ADAM12: variants seen among roughly 807,000 people sequenced by gnomAD.
ADAM12 encodes the protein disintegrin and metalloproteinase domain-containing protein 12.
Under a neutral mutation model 106.4 loss-of-function variants are expected in ADAM12, and 70 were observed. That is an observed-to-expected ratio of 0.66 (90% CI 0.54 to 0.80). ADAM12 has a LOEUF of 0.80. ADAM12 is among the 30% of genes least tolerant of loss of function. The pLI is 0.00. For missense variants in ADAM12, 1,010 were observed against 1,171.9 expected, an observed-to-expected ratio of 0.86 and a Z score of 2.02; for synonymous variants, 420 against 433.5, an observed-to-expected ratio of 0.97 and a Z score of 0.39.
chr10:126,028,886 ATAGC>A (rs1398004501), intron 21 of ADAM12, among the ~76,000 whole-genome samples: 6 of 152,322 alleles, frequency 3.9e-5, no homozygotes, highest in South Asian at 2.1e-4. Flanking sequence ...CAAAGGTCTA[ATAGC>A]TAGCATCTAT....
At chr10:126,265,293 T>C (rs907997381) in intron 3 of ADAM12, among the ~76,000 whole-genome samples, 5 of 152,144 alleles carry the variant, frequency 3.3e-5, no homozygotes, top group Non-Finnish European at 7.3e-5. Flanking sequence ...AAACCAATAA[T>C]TGATGAGGGA....
chr10:126,192,855 G>T (rs1320178200), intron 3 of ADAM12, among the ~76,000 whole-genome samples: 1 of 152,212 alleles, frequency 6.6e-6, no homozygotes, highest in Non-Finnish European at 1.5e-5. Flanking sequence ...AGAGCTGCGG[G>T]TTTCTACCAT....
intron 11 of ADAM12, among the ~76,000 whole-genome samples, chr10:126,079,353 G>T: frequency 6.6e-6 from 1 of 150,420 alleles, no homozygotes; most frequent in African/African-American, 2.5e-5. Flanking sequence ...CCCAGCCCCT[G>T]CCAACCACGA....
At chr10:126,343,274 C>T (rs564018338) in intron 1 of ADAM12, among the ~76,000 whole-genome samples, 15 of 150,442 alleles carry the variant, frequency 1.0e-4, no homozygotes, top group African/African-American at 2.7e-4. Context: ...TGAGAACATG[C>T]GGTGTTTGGT....
chr10:126,194,203 G>A (rs1240785448), intron 3 of ADAM12, among the ~76,000 whole-genome samples: 2 of 139,378 alleles, frequency 1.4e-5, no homozygotes, highest in East Asian at 2.3e-4. Flanking sequence ...GAGTGGCTCA[G>A]TTTCAAACAA....
intron 3 of ADAM12, among the ~76,000 whole-genome samples, chr10:126,174,954 C>T (rs570609023): frequency 5.9e-5 from 9 of 152,170 alleles, no homozygotes; most frequent in African/African-American, 1.7e-4. Flanking sequence ...GACGGGGTTT[C>T]ACTGTGTTAG....
chr10:126,106,434 T>C (rs561737081), intron 8 of ADAM12, among the ~76,000 whole-genome samples: 2 of 151,630 alleles, frequency 1.3e-5, no homozygotes, highest in Admixed American at 1.3e-4. Context: ...ACTTCCCCAC[T>C]TCCCCTGCCC....
intron 11 of ADAM12, among the ~76,000 whole-genome samples, chr10:126,087,035 AAAATT>A (rs1332206870): frequency 4.0e-5 from 6 of 151,896 alleles, no homozygotes; most frequent in African/African-American, 1.5e-4. Flanking sequence ...TCAGCTCAAA[AAAATT>A]AAATTAAATT....
At chr10:126,252,036 A>G (rs1217122888) in intron 3 of ADAM12, among the ~76,000 whole-genome samples, 2 of 136,722 alleles carry the variant, frequency 1.5e-5, no homozygotes, top group Non-Finnish European at 3.1e-5. Context: ...GGTGGGATGG[A>G]TAGATTGGAT....
chr10:126,377,426 A>G (rs1287825267), intron 1 of ADAM12, among the ~76,000 whole-genome samples: 4 of 152,130 alleles, frequency 2.6e-5, no homozygotes, highest in Admixed American at 6.5e-5. Context: ...CAGGAGAAAA[A>G]TGTAGGCTGG....
chr10:126,124,226 T>G (rs756881458), intron 5 of ADAM12, among the ~76,000 whole-genome samples: 4 of 152,112 alleles, frequency 2.6e-5, no homozygotes, highest in Non-Finnish European at 5.9e-5. Flanking sequence ...GAAAAAGACT[T>G]TTGGTCTCAG....
chr10:126,315,619 C>T (rs1205686179), intron 2 of ADAM12, among the ~76,000 whole-genome samples: 2 of 152,072 alleles, frequency 1.3e-5, no homozygotes, highest in Non-Finnish European at 1.5e-5. Context: ...AGAAACACTT[C>T]CAGACTGAAC....
intron 2 of ADAM12, among the ~76,000 whole-genome samples, chr10:126,288,195 A>G (rs1488271024): frequency 3.9e-5 from 6 of 152,240 alleles, no homozygotes; most frequent in African/African-American, 1.2e-4. Context: ...GTGGCTGTAC[A>G]AGGATCCCTG....
At position 126,081,791 on chromosome 10, in the gene ADAM12, C is replaced by T. The variant is rs189693230; in HGVS notation, c.1146-10137G>A. Among the ~76,000 whole-genome samples, 56 of 152,326 alleles carry T rather than the reference C, an allele frequency of 3.7e-4. 1 individual carries two copies. The highest frequency in any genetic ancestry group is 6.6e-4 in the Non-Finnish European group (45 of 68,034). ...AATGCTAGCTCCTAGTACTGACAGG[C>T]AAAAGATGTGTCTTTCTTTCTCCCA... On this transcript the variant is annotated intron_variant, in intron 11 of 22. Transcript: ENST00000448723.
At chr10:126,121,175 T>TATATACA (rs1956097129) in intron 5 of ADAM12, among the ~76,000 whole-genome samples, 2 of 99,938 alleles carry the variant, frequency 2.0e-5, no homozygotes, top group Non-Finnish European at 3.5e-5. Flanking sequence ...CTATATATAC[T>TATATACA]ATATACACTA....
chr10:126,087,763 C>A (rs1452633044), intron 11 of ADAM12, among the ~76,000 whole-genome samples: 2 of 152,188 alleles, frequency 1.3e-5, no homozygotes, highest in African/African-American at 2.4e-5. Context: ...TGTGGACTTT[C>A]CCGCTACATT....
chr10:126,273,312 C>G (rs2133741001), intron 3 of ADAM12: 1 of 153,106 alleles, frequency 6.5e-6, no homozygotes, highest in Non-Finnish European at 1.5e-5. Flanking sequence ...AACTTGTGAC[C>G]CTGAAGGAGC....
At chr10:126,028,835 A>G (rs993399752) in intron 21 of ADAM12, among the ~76,000 whole-genome samples, 1 of 152,254 alleles carries the variant, frequency 6.6e-6, no homozygotes, top group Middle Eastern at 3.4e-3. Flanking sequence ...AGAATGAACA[A>G]CCTACAGAAT....
intron 2 of ADAM12, among the ~76,000 whole-genome samples, chr10:126,315,731 C>T (rs1263583988): frequency 6.6e-6 from 1 of 152,108 alleles, no homozygotes; most frequent in African/African-American, 2.4e-5. Context: ...AAGCTCCCTT[C>T]TCTTTTTACT....
Sources: gnomAD v4.1 joint callset for allele counts (sites outside exome capture counted in the v4.1 genomes callset) on GRCh38, gnomAD v4.1.1 for gene constraint, MANE v1.5 for transcripts, NCBI Gene and HGNC (gene_info 2026-07-23, HGNC 2026-07-21) for gene names.